LRRC43: variants seen among roughly 807,000 people sequenced by gnomAD.
LRRC43 encodes leucine-rich repeat-containing protein 43.
A neutral mutation model predicts 64.3 loss-of-function variants in LRRC43; 62 were observed. The observed-to-expected ratio is 0.96, with a 90% confidence interval of 0.79 to 1.19. LRRC43 has a LOEUF of 1.19. Among genes scored for constraint, LRRC43 ranks in the 50% most tolerant of loss-of-function variants. LRRC43 has a pLI of 0.00. For synonymous variants in LRRC43, 422 were observed against 382.3 expected (o/e 1.10, Z -1.21); for missense variants, 868 against 845.0 (o/e 1.03, Z -0.34).
rs1207015325 is a variant in LRRC43, at chr12:122,200,680, G to A, written c.1620+20G>A. ...GCCAAGGTACCGGGCCTTGGTGCTG[G>A]GGAGGGCAGCCTGGCCACACCCTTG... On this transcript the variant is annotated intron_variant, in intron 9 of 11. Coordinates refer to ENST00000339777, the MANE Select transcript of LRRC43 (RefSeq NM_001098519.2). This position sits in a 1 kb window ranked among gnomAD's most constrained non-coding sequence, Gnocchi z 4.6. 3 of 1,613,448 alleles carry A rather than the reference G, an allele frequency of 1.9e-6. No homozygotes were observed. The African/African-American group carries it at 4.0e-5, about 22-fold the overall frequency.
At chr12:122,180,131 T>C (rs541577965), upstream of LRRC43, among the ~76,000 whole-genome samples, 1 of 152,032 alleles carries the variant, frequency 6.6e-6, no homozygotes, top group Non-Finnish European at 1.5e-5. Flanking sequence ...ATTCACTAGA[T>C]TGGGCAACAT....
chr12:122,178,916 T>A (rs1953559710), upstream of LRRC43, among the ~76,000 whole-genome samples: 1 of 151,898 alleles, frequency 6.6e-6, no homozygotes, highest in Non-Finnish European at 1.5e-5. Context: ...CAGGGTGGTG[T>A]TTGATTGGAT....
upstream of LRRC43, chr12:122,183,055 A>G: frequency 4.1e-6 from 6 of 1,464,480 alleles, no homozygotes; most frequent in Non-Finnish European, 5.4e-6. Flanking sequence ...CGGATGGGGG[A>G]CTTTTCCCTC....
At chr12:122,190,806 T>G (rs529164115) in intron 5 of LRRC43, among the ~76,000 whole-genome samples, 1 of 150,608 alleles carries the variant, frequency 6.6e-6, no homozygotes, top group South Asian at 2.1e-4. Context: ...GAGGCTGCAG[T>G]GAGCCGAGAT....
chr12:122,198,623 CTTT>C (rs1012460173), intron 7 of LRRC43, among the ~76,000 whole-genome samples: 4 of 100,492 alleles, frequency 4.0e-5, no homozygotes, highest in African/African-American at 9.4e-5. Flanking sequence ...TGCTTCATTC[CTTT>C]TTTTTTTTTT....
Position 122,184,857 on chromosome 12 carries a change from C to A in LRRC43, c.411+78C>A. Reference sequence around the variant, plus strand: ...AGGTTGTGGGGAGGGCACCCTTCCCCACAGCGCGTCAGGGATCCTGCTTTC... The same window carrying A: ...AGGTTGTGGGGAGGGCACCCTTCCCAACAGCGCGTCAGGGATCCTGCTTTC... On this transcript the variant is annotated intron_variant, in intron 2 of 11. Coordinates refer to ENST00000339777, the MANE Select transcript of LRRC43 (RefSeq NM_001098519.2). This position sits in a 1 kb window ranked among gnomAD's most constrained non-coding sequence, Gnocchi z 4.0. 1 of 1,467,750 alleles carries A rather than the reference C, an allele frequency of 6.8e-7. No individual in the cohort carries two copies. Among genetic ancestry groups the A allele is most frequent in the Non-Finnish European group, 9.3e-7 (1 of 1,080,084 alleles). The allele number at this position is 1,467,750 out of a possible 1,614,324, so 90.9% of individuals were successfully genotyped here.
At chr12:122,182,647 C>G (rs1213862260), upstream of LRRC43, among the ~76,000 whole-genome samples, 1 of 151,212 alleles carries the variant, frequency 6.6e-6, no homozygotes, top group Admixed American at 6.6e-5. Context: ...GAGCTGAGAT[C>G]TCGCCACTGG....
At chr12:122,190,977 TAA>T (rs1953711792) in intron 5 of LRRC43, among the ~76,000 whole-genome samples, 1 of 151,848 alleles carries the variant, frequency 6.6e-6, no homozygotes, top group African/African-American at 2.4e-5. Context: ...CTAAAAAAAA[TAA>T]AAAGTCAAAA....
At chr12:122,174,665 G>A (rs912225390) in intron 1 of LRRC43, among the ~76,000 whole-genome samples, 3 of 152,052 alleles carry the variant, frequency 2.0e-5, no homozygotes, top group Admixed American at 2.0e-4. Flanking sequence ...ATATGCCCAC[G>A]CCGGTGTGCA....
intron 1 of LRRC43, 73 bp downstream of exon 1, chr12:122,183,367 C>T (rs1306548659): frequency 4.5e-5 from 61 of 1,358,252 alleles, no homozygotes; most frequent in Non-Finnish European, 5.8e-5. Context: ...GCGAGCGGAG[C>T]GGGCTGGTCC....
chr12:122,203,230 G>A (rs1953864114), intron 11 of LRRC43, 85 bp from the exon 12 acceptor site: 1 of 1,497,568 alleles, frequency 6.7e-7, no homozygotes, highest in Non-Finnish European at 9.1e-7. Flanking sequence ...AGGGTCCAGG[G>A]CTTGCATATG....
At chr12:122,177,061 G>T (rs1487495032) in intron 1 of LRRC43, among the ~76,000 whole-genome samples, 3 of 152,116 alleles carry the variant, frequency 2.0e-5, no homozygotes, top group African/African-American at 7.2e-5. Context: ...TGGTAGGCAT[G>T]ACCTTCATCC....
chr12:122,181,897 C>A (rs118188550), upstream of LRRC43, among the ~76,000 whole-genome samples: 123 of 151,678 alleles, frequency 8.1e-4, no homozygotes, highest in Non-Finnish European at 1.5e-3. Context: ...TGAGCCATCG[C>A]GCCCAGCCTA....
Position 122,191,550 on chromosome 12 carries a change from G to C in LRRC43, c.1072G>C (p.Ala358Pro), listed in dbSNP as rs778932116. 3.1e-6 allele frequency: 5 copies of C among 1,613,840 alleles called. No individual in the cohort carries two copies. Among genetic ancestry groups the C allele is most frequent in the Non-Finnish European group, 3.4e-6 (4 of 1,179,934 alleles). ...TGAAGAAGGCGAAATGAATGAGTCC[G>C]CGGGCGTCCTGGCCGAGGTGTGCCC... ...KDEEGEMNES[A>P]GVLAEIVKPS... Residue 358 changes from alanine to proline, a missense_variant, in exon 6 of 12, where the codon GCG becomes CCG. By Grantham distance (27) the Ala-to-Pro change is conservative. Transcript: ENST00000339777.
chr12:122,192,535 T>G (rs1953730157), intron 6 of LRRC43, among the ~76,000 whole-genome samples: 1 of 152,214 alleles, frequency 6.6e-6, no homozygotes, highest in Non-Finnish European at 1.5e-5. Context: ...TCCTCCCACA[T>G]AGAAGTGGTT....
intron 2 of LRRC43, among the ~76,000 whole-genome samples, chr12:122,185,031 C>T (rs995042211): frequency 1.3e-5 from 2 of 152,204 alleles, no homozygotes; most frequent in Non-Finnish European, 2.9e-5. Flanking sequence ...CTGAGTTCTG[C>T]AGTGGACCCT....
chr12:122,172,592 A>G (rs750048316), intron 1 of LRRC43: 1 of 1,614,066 alleles, frequency 6.2e-7, no homozygotes, highest in Non-Finnish European at 8.5e-7. Context: ...CTATGATCTC[A>G]TCAATAACAG....
intron 1 of LRRC43, chr12:122,172,514 A>G: frequency 6.2e-7 from 1 of 1,614,190 alleles, no homozygotes; most frequent in East Asian, 2.2e-5. Context: ...GTTTACATTC[A>G]TGGGTGTCTG....
chr12:122,172,726 C>T (rs1953498244), intron 1 of LRRC43: 2 of 1,609,430 alleles, frequency 1.2e-6, no homozygotes, highest in African/African-American at 1.3e-5. Flanking sequence ...ACGAGCACGC[C>T]CTTCTCTTCC....
Sources: gnomAD v4.1 joint callset for allele counts (sites outside exome capture counted in the v4.1 genomes callset) on GRCh38, gnomAD v4.1.1 for gene constraint, Gnocchi (gnomAD v3.1) non-coding constraint, MANE v1.5 for transcripts, NCBI Gene and HGNC (gene_info 2026-07-23, HGNC 2026-07-21) for gene names.